Variants in CAMKK2 observed in about 807,000 individuals in gnomAD.
CAMKK2 encodes calcium/calmodulin dependent protein kinase kinase 2.
Under a neutral mutation model 67.2 loss-of-function variants are expected in CAMKK2, and 30 were observed. The ratio of observed to expected loss-of-function variants is 0.45; its 90% CI spans 0.33 to 0.61. The LOEUF (loss-of-function observed/expected upper bound fraction) is 0.61, where lower values mean the gene tolerates loss of function less well. Among genes scored for constraint, CAMKK2 ranks in the 20% least tolerant of loss-of-function variants. CAMKK2 has a pLI of 0.02. For synonymous variants in CAMKK2, 322 were observed against 326.2 expected (o/e 0.99, Z 0.14); for missense variants, 643 against 802.0 (o/e 0.80, Z 2.39).
intron 1 of CAMKK2, among the ~76,000 whole-genome samples, chr12:121,288,733 A>AC (rs953520736): frequency 5.3e-5 from 8 of 150,982 alleles, no homozygotes; most frequent in African/African-American, 2.0e-4. Flanking sequence ...ACTGACTCCC[A>AC]CCCCCCTTTC....
chr12:121,249,202 C>T (rs545349761), intron 13 of CAMKK2, among the ~76,000 whole-genome samples: 1 of 152,334 alleles, frequency 6.6e-6, no homozygotes, highest in Admixed American at 6.5e-5. Context: ...GTCCAAGCCC[C>T]AATCCATGAT....
Position 121,293,977 on chromosome 12 carries a change from C to T in CAMKK2, c.-60+2661G>A, listed in dbSNP as rs577415208. 1.3e-4 allele frequency among the ~76,000 whole-genome samples: 20 copies of T among 152,142 alleles called. No individual in the cohort carries two copies. In the East Asian group the frequency reaches 1.7e-3, roughly 13 times the overall value. On this transcript the variant is annotated intron_variant, in intron 1 of 16. Transcript: ENST00000404169. ...GAGGAAGTCTCCTTCTTGTGCCCCA[C>T]GCTGGAGTGCAATGGCACGATCTCA... is the stretch of plus-strand genomic sequence containing the variant.
intron 1 of CAMKK2, among the ~76,000 whole-genome samples, chr12:121,281,024 A>G (rs943300741): frequency 6.6e-6 from 1 of 152,122 alleles, no homozygotes; most frequent in Non-Finnish European, 1.5e-5. Context: ...TCCCTAATAA[A>G]AACTTGCTGG....
intron 1 of CAMKK2, among the ~76,000 whole-genome samples, chr12:121,279,228 G>A (rs1325751885): frequency 6.6e-6 from 1 of 152,232 alleles, no homozygotes; most frequent in Non-Finnish European, 1.5e-5. Context: ...GTTGGAGGAT[G>A]GAGAGGAGAG....
At chr12:121,286,779 T>C (rs1898832027) in intron 1 of CAMKK2, among the ~76,000 whole-genome samples, 1 of 152,178 alleles carries the variant, frequency 6.6e-6, no homozygotes, top group African/African-American at 2.4e-5. Flanking sequence ...GCTGACTTGC[T>C]CACAATCATC....
intron 1 of CAMKK2, among the ~76,000 whole-genome samples, chr12:121,293,559 T>G (rs915272741): frequency 6.6e-6 from 1 of 151,930 alleles, no homozygotes; most frequent in African/African-American, 2.4e-5. Context: ...CCAAAATGCC[T>G]TGAAAACAGG....
intron 2 of CAMKK2, among the ~76,000 whole-genome samples, 173 bp downstream of exon 2, chr12:121,273,883 C>G (rs1459086889): frequency 2.0e-5 from 3 of 152,034 alleles, no homozygotes; most frequent in East Asian, 3.9e-4. Flanking sequence ...TCACGACCCC[C>G]CTAGGGCCCC....
In CAMKK2 at chr12:121,296,564, G is replaced by C. The variant is rs1901275738; in HGVS notation, c.-60+74C>G. On this transcript the variant is annotated intron_variant, in intron 1 of 16. Transcript: ENST00000404169. The surrounding 1 kb of genome is among the most constrained non-coding windows in gnomAD (Gnocchi z 7.1). ...TGCCGGCGGCGGTCCCCCGCCTCGA[G>C]AGGGAAACGGAGCGGGCGCCCGGGG... The C allele has an allele frequency of 6.6e-6, 1 of 151,948 alleles. No individual in the cohort carries two copies. The highest frequency in any genetic ancestry group is 2.4e-5 in the African/African-American group (1 of 41,422). 9.4% of individuals were successfully genotyped at this position (151,948 alleles called of 1,614,324 possible).
upstream of CAMKK2, chr12:121,296,780 C>G (rs1161971572): frequency 1.4e-5 from 2 of 146,396 alleles, no homozygotes; most frequent in East Asian, 2.0e-4. This position sits in a 1 kb window ranked among gnomAD's most constrained non-coding sequence, Gnocchi z 7.1. Context: ...AGGAGCCGCC[C>G]GGCTCGGCTT....
In CAMKK2 at chr12:121,240,625, C is replaced by G; in HGVS notation, c.*74G>C. Reference sequence around the variant, plus strand: ...ACGTGCTGGGTTTCCGTAGGACATGCTGCTATGGAAACGCGGTGCAGCAGC... The same window carrying G: ...ACGTGCTGGGTTTCCGTAGGACATGGTGCTATGGAAACGCGGTGCAGCAGC... On this transcript the variant is annotated 3_prime_UTR_variant, in exon 17 of 17. Coordinates refer to ENST00000404169, the MANE Select transcript of CAMKK2 (RefSeq NM_001270485.2). The surrounding 1 kb of genome is among the most constrained non-coding windows in gnomAD (Gnocchi z 4.4). The G allele has an allele frequency of 6.5e-7, 1 of 1,535,328 alleles. No homozygotes were observed. Among genetic ancestry groups the G allele is most frequent in the Non-Finnish European group, 8.7e-7 (1 of 1,146,928 alleles).
Position 121,285,497 on chromosome 12 carries a change from T to A in CAMKK2, c.-59-10912A>T, listed in dbSNP as rs1898556033. 6.6e-6 allele frequency among the ~76,000 whole-genome samples: 1 copy of A among 151,710 alleles called. No individual in the cohort carries two copies. The highest frequency in any genetic ancestry group is 1.5e-5 in the Non-Finnish European group (1 of 67,938). ...CAGCCTGGGCAACAGAGCAGGACCTTATCTAAAAAAGAAACAGAGTAGATG... is the reference window on the plus strand; with the variant it reads ...CAGCCTGGGCAACAGAGCAGGACCTAATCTAAAAAAGAAACAGAGTAGATG... On this transcript the variant is annotated intron_variant, in intron 1 of 16. Transcript: ENST00000404169. This position sits in a 1 kb window ranked among gnomAD's most constrained non-coding sequence, Gnocchi z 4.1.
At chr12:121,286,022 G>A (rs918001809) in intron 1 of CAMKK2, among the ~76,000 whole-genome samples, 5 of 152,180 alleles carry the variant, frequency 3.3e-5, no homozygotes, top group African/African-American at 1.2e-4. Context: ...AGCTGAGGTT[G>A]AAGACACTGT....
At chr12:121,281,617 G>C (rs941120164) in intron 1 of CAMKK2, among the ~76,000 whole-genome samples, 1 of 152,212 alleles carries the variant, frequency 6.6e-6, no homozygotes, top group Non-Finnish European at 1.5e-5. Flanking sequence ...GCCCTCGAGG[G>C]GACTGACAGT....
intron 11 of CAMKK2, 56 bp downstream of exon 11, chr12:121,252,605 T>G: frequency 6.6e-7 from 1 of 1,523,152 alleles, no homozygotes; most frequent in Non-Finnish European, 9.1e-7. Context: ...CAAGGGTGAC[T>G]ATTAACCCAG....
intron 6 of CAMKK2, among the ~76,000 whole-genome samples, chr12:121,260,952 CA>C (rs1056645998): frequency 0.047 from 4,315 of 91,890 alleles, 54 homozygotes; most frequent in Non-Finnish European, 0.058. Flanking sequence ...GACTCTGTCT[CA>C]AAAAAAAAAA....
Position 121,253,445 on chromosome 12 carries a change from T to C in CAMKK2, c.935A>G (p.Asp312Gly). 1 of 1,614,158 alleles carries C rather than the reference T, an allele frequency of 6.2e-7. No homozygotes were observed. Among genetic ancestry groups the C allele is most frequent in the South Asian group, 1.1e-5 (1 of 91,072 alleles). The change falls in exon 10 of 17, where the codon GAC (aspartate) becomes GGC (glycine). Residue 312 changes from aspartate to glycine, a missense_variant. Around this residue, in one of 3 missense-constraint regions of CAMKK2, gnomAD observed 483 missense variants for 625.8 expected, o/e 0.77. Coordinates refer to ENST00000404169, the MANE Select transcript of CAMKK2 (RefSeq NM_001270485.2). This position sits in a 1 kb window ranked among gnomAD's most constrained non-coding sequence, Gnocchi z 5.0. The part of the protein sequence containing the change: ...YLHYQKIIHR[D>G]IKPSNLLVGE... ...GACCAGGAGGTTGGAAGGTTTGATG[T>C]CACGGTGGATGATCTTCTGGTAGTG... is the stretch of plus-strand genomic sequence containing the variant.
intron 1 of CAMKK2, among the ~76,000 whole-genome samples, chr12:121,275,526 G>C (rs895639860): frequency 6.1e-5 from 9 of 146,388 alleles, no homozygotes; most frequent in Non-Finnish European, 1.0e-4. Context: ...GGGGAATCAA[G>C]TATATGCCAC....
rs1207779372 is a variant in CAMKK2 at position 121,263,809 on chromosome 12, C to A, written c.756G>T (p.Val252=). The A allele has an allele frequency of 6.2e-7, 1 of 1,606,772 alleles. No individual in the cohort carries two copies. Among genetic ancestry groups the A allele is most frequent in the Non-Finnish European group, 8.5e-7 (1 of 1,174,580 alleles). ...KLDHPNVVKL[V]EVLDDPNEDH... Reference sequence around the variant, plus strand: ...CTGGGCGCCTCCACCCTTTTACCTCCACCAGCTTCACCACATTGGGGTGGT... The same window carrying A: ...CTGGGCGCCTCCACCCTTTTACCTCAACCAGCTTCACCACATTGGGGTGGT... The change falls in exon 6 of 17, where the codon GTG becomes GTT. Residue 252 remains valine (V), a synonymous_variant. Coordinates refer to ENST00000404169, the MANE Select transcript of CAMKK2 (RefSeq NM_001270485.2).
At chr12:121,260,431 G>T in intron 6 of CAMKK2, 76 bp from the exon 7 acceptor site, 2 of 1,400,892 alleles carry the variant, frequency 1.4e-6, no homozygotes, top group Non-Finnish European at 2.0e-6. Context: ...GAGCAGGGAG[G>T]AGGCAGCATC....
Sources: gnomAD v4.1 joint callset for allele counts (sites outside exome capture counted in the v4.1 genomes callset) on GRCh38, gnomAD v4.1.1 for gene constraint, gnomAD v4.1.1 regional missense constraint, Gnocchi (gnomAD v3.1) non-coding constraint, MANE v1.5 for transcripts, NCBI Gene and HGNC (gene_info 2026-07-23, HGNC 2026-07-21) for gene names.